CNOT4: variants seen among roughly 807,000 people sequenced by gnomAD.
CNOT4 encodes CCR4-associated factor 4.
In CNOT4, 8 loss-of-function variants were observed where a neutral mutation model predicts 73.8. That is an observed-to-expected ratio of 0.11 (90% CI 0.06 to 0.20). CNOT4 has a LOEUF of 0.20. Ranked by LOEUF, CNOT4 falls within the 10% of genes least tolerant of loss-of-function variation. The pLI, the probability that CNOT4 is intolerant of heterozygous loss-of-function variation, is 1.00. For missense variants in CNOT4, 564 were observed against 883.4 expected (o/e 0.64, Z 4.58); for synonymous variants, 293 against 321.1 (o/e 0.91, Z 0.94).
chr7:135,436,290 A>G (rs914662353), intron 2 of CNOT4, among the ~76,000 whole-genome samples: 3 of 150,952 alleles, frequency 2.0e-5, no homozygotes, highest in African/African-American at 7.3e-5. Flanking sequence ...CAAATAACTT[A>G]TTTTTCTGTA....
At chr7:135,487,809 T>G (rs1802828762) in intron 1 of CNOT4, among the ~76,000 whole-genome samples, 1 of 152,144 alleles carries the variant, frequency 6.6e-6, no homozygotes, top group African/African-American at 2.4e-5. Context: ...GTCCCAGCAC[T>G]TTGGGAGGCC....
chr7:135,495,742 G>T (rs1803514453), intron 1 of CNOT4, among the ~76,000 whole-genome samples: 6 of 103,774 alleles, frequency 5.8e-5, no homozygotes, highest in Admixed American at 2.0e-4. Flanking sequence ...AAGAAAGAAA[G>T]AAAGAAAGAA....
chr7:135,505,948 AG>A (rs1804343085), intron 1 of CNOT4, among the ~76,000 whole-genome samples: 1 of 152,218 alleles, frequency 6.6e-6, no homozygotes, highest in Non-Finnish European at 1.5e-5. Context: ...AAGTTCTTTT[AG>A]AAAACCAATA....
chr7:135,396,017 T>TC, intron 8 of CNOT4, 134 bp from the exon 9 acceptor site: 1 of 610,822 alleles, frequency 1.6e-6, no homozygotes, highest in Non-Finnish European at 2.9e-6. Flanking sequence ...AATGAAAGCA[T>TC]GAAGTTTCAG....
intron 1 of CNOT4, among the ~76,000 whole-genome samples, chr7:135,470,308 T>A (rs952954492): frequency 1.3e-5 from 2 of 151,860 alleles, no homozygotes; most frequent in Non-Finnish European, 2.9e-5. Flanking sequence ...TTTCTTAATT[T>A]TTTTGTAGAG....
chr7:135,508,502 T>C (rs537451699), intron 1 of CNOT4, among the ~76,000 whole-genome samples: 7 of 152,354 alleles, frequency 4.6e-5, no homozygotes, highest in African/African-American at 9.6e-5. Flanking sequence ...TATATAAAAA[T>C]GTCGATTTTT....
chr7:135,388,681 T>C, intron 10 of CNOT4: 1 of 1,392,400 alleles, frequency 7.2e-7, no homozygotes. Flanking sequence ...GGAACGTTTA[T>C]ATTGGCTCTT....
intron 1 of CNOT4, among the ~76,000 whole-genome samples, chr7:135,452,464 A>G (rs1800233044): frequency 6.6e-6 from 1 of 151,872 alleles, no homozygotes. Flanking sequence ...CAGCTACTTG[A>G]GAGGCTGAGG....
At chr7:135,406,957 T>C (rs1797326269) in intron 7 of CNOT4, among the ~76,000 whole-genome samples, 1 of 152,248 alleles carries the variant, frequency 6.6e-6, no homozygotes, top group African/African-American at 2.4e-5. Context: ...TCCTGTTGAA[T>C]TATAATCCCC....
rs117739801 is a variant in CNOT4, at chr7:135,506,960, C to T, written c.-93+2929G>A. On this transcript the variant is annotated intron_variant, in intron 1 of 11. Transcript: ENST00000541284. ...TGAAGAATATGGATTCCTTTTAAAG[C>T]CAAGATTAGGGAGGTGAAAAAAGGG... Among the ~76,000 whole-genome samples the T allele has an allele frequency of 6.3e-3, 955 of 151,958 alleles. 5 individuals carry two copies. The highest frequency in any genetic ancestry group is 0.011 in the Non-Finnish European group (738 of 67,960).
intron 1 of CNOT4, among the ~76,000 whole-genome samples, chr7:135,457,073 T>C (rs1335377851): frequency 6.6e-6 from 1 of 151,934 alleles, no homozygotes; most frequent in East Asian, 1.9e-4. Context: ...CAACATGCAA[T>C]GGAAACAAAG....
chr7:135,463,418 A>G (rs985590628), intron 1 of CNOT4, among the ~76,000 whole-genome samples: 4 of 151,702 alleles, frequency 2.6e-5, no homozygotes, highest in African/African-American at 9.7e-5. Flanking sequence ...GGCGCCTGTA[A>G]TCTCGGCTAT....
chr7:135,466,455 G>A (rs187470932), intron 1 of CNOT4, among the ~76,000 whole-genome samples: 1 of 146,712 alleles, frequency 6.8e-6, no homozygotes, highest in East Asian at 2.0e-4. Context: ...TCCAGCCTGG[G>A]CAATACAGCA....
At chr7:135,431,416 C>A (rs938632068) in intron 2 of CNOT4, among the ~76,000 whole-genome samples, 1 of 152,140 alleles carries the variant, frequency 6.6e-6, no homozygotes, top group African/African-American at 2.4e-5. Context: ...AAAAGTGGTA[C>A]ATTAGCAATA....
intron 3 of CNOT4, among the ~76,000 whole-genome samples, chr7:135,419,137 A>T (rs1798035440): frequency 6.6e-6 from 1 of 151,500 alleles, no homozygotes; most frequent in Admixed American, 6.5e-5. Context: ...CTTGTCTTCT[A>T]AGATCTTTTT....
chr7:135,366,114 C>T (rs552245485), intron 10 of CNOT4, among the ~76,000 whole-genome samples: 1 of 152,170 alleles, frequency 6.6e-6, no homozygotes, highest in Non-Finnish European at 1.5e-5. Context: ...TGATCTTACA[C>T]CGAGTGGCTA....
In CNOT4 at chr7:135,410,505, C is replaced by T; in HGVS notation, c.821+10G>A. 6.8e-7 allele frequency: 1 copy of T among 1,478,326 alleles called. No homozygotes were observed. The highest frequency in any genetic ancestry group is 1.4e-5 in the African/African-American group (1 of 69,694). The allele number at this position is 1,478,326 out of a possible 1,614,324, so 91.6% of individuals were successfully genotyped here. On this transcript the variant is annotated intron_variant, in intron 7 of 11. Coordinates refer to ENST00000541284, the MANE Select transcript of CNOT4 (RefSeq NM_001190850.2). ...AGGTAAGATGTCTGACTATCAATATCAATACTTACGTATCGTACCTCTGCA... is the reference window on the plus strand; with the variant it reads ...AGGTAAGATGTCTGACTATCAATATTAATACTTACGTATCGTACCTCTGCA...
chr7:135,461,511 C>A (rs1424873492), intron 1 of CNOT4, among the ~76,000 whole-genome samples: 1 of 152,008 alleles, frequency 6.6e-6, no homozygotes. Flanking sequence ...ACAGCCTGTC[C>A]CTGCTTTACC....
chr7:135,398,196 A>G lies in CNOT4; in HGVS notation c.852T>C (p.Ser284=), dbSNP rs774627800. The stretch of plus-strand genomic sequence containing the variant: ...GCTGGGAATTATCACCGTTCCCTAT[A>G]CTGAGAGAATCTGAAGGTTTGTCAA... ...TPIDKPSDSL[S]IGNGDNSQQI... The change falls in exon 8 of 12, where the codon AGT becomes AGC. Residue 284 remains serine (S), a synonymous_variant. Transcript: ENST00000541284. 1.1e-5 allele frequency: 17 copies of G among 1,554,516 alleles called. No homozygotes were observed. The highest frequency in any genetic ancestry group is 1.4e-5 in the Non-Finnish European group (16 of 1,126,684).
Sources: gnomAD v4.1 joint callset for allele counts (sites outside exome capture counted in the v4.1 genomes callset) on GRCh38, gnomAD v4.1.1 for gene constraint, MANE v1.5 for transcripts, NCBI Gene and HGNC (gene_info 2026-07-23, HGNC 2026-07-21) for gene names.